Variants in INPP5F observed in about 807,000 individuals in gnomAD.
The protein encoded by INPP5F is phosphatidylinositide 4-phosphatase SAC2.
INPP5F carries 97 observed loss-of-function variants against 137.2 expected under a neutral mutation model. That is an observed-to-expected ratio of 0.71 (90% CI 0.60 to 0.84). INPP5F has a LOEUF of 0.84. Among genes scored for constraint, INPP5F ranks in the 40% least tolerant of loss-of-function variants. INPP5F has a pLI of 0.00. For synonymous variants in INPP5F, 504 were observed against 476.9 expected (o/e 1.06, Z -0.74); for missense variants, 1,271 against 1,371.9 (o/e 0.93, Z 1.16).
chr10:119,733,066 T>C (rs547794219), intron 1 of INPP5F, among the ~76,000 whole-genome samples: 17 of 152,330 alleles, frequency 1.1e-4, no homozygotes, highest in Admixed American at 2.6e-4. Flanking sequence ...TTCTACCTTC[T>C]TGACTACAAA....
At chr10:119,778,611 TCTC>T (rs1849601770) in intron 2 of INPP5F, among the ~76,000 whole-genome samples, 1 of 152,128 alleles carries the variant, frequency 6.6e-6, no homozygotes, top group African/African-American at 2.4e-5. Context: ...TTCCCTCCAT[TCTC>T]CTCATTATAT....
At chr10:119,826,191 G>A (rs1033440338) in intron 19 of INPP5F, among the ~76,000 whole-genome samples, 3 of 152,156 alleles carry the variant, frequency 2.0e-5, no homozygotes, top group African/African-American at 4.8e-5. Flanking sequence ...TGCTAGACCC[G>A]CACTGCTCAC....
At chr10:119,731,483 G>A (rs973618883) in intron 1 of INPP5F, among the ~76,000 whole-genome samples, 12 of 152,124 alleles carry the variant, frequency 7.9e-5, no homozygotes, top group African/African-American at 2.9e-4. Context: ...AGCCAACATG[G>A]TAAAACCCCG....
intron 2 of INPP5F, among the ~76,000 whole-genome samples, chr10:119,779,260 T>G (rs1162917201): frequency 6.6e-6 from 1 of 152,168 alleles, no homozygotes; most frequent in Non-Finnish European, 1.5e-5. Context: ...TTACTATGAA[T>G]GGAACTTGCG....
chr10:119,734,740 G>A (rs1422193763), intron 1 of INPP5F, among the ~76,000 whole-genome samples: 1 of 152,138 alleles, frequency 6.6e-6, no homozygotes, highest in Admixed American at 6.5e-5. Context: ...TACAAGCTGT[G>A]TTACTATGTC....
chr10:119,789,959 G>A (rs1850078345), intron 3 of INPP5F, among the ~76,000 whole-genome samples: 1 of 144,988 alleles, frequency 6.9e-6, no homozygotes, highest in African/African-American at 2.5e-5. Context: ...TGAGAGTTAA[G>A]AACCAAGAGC....
chr10:119,771,845 GATATATATATATATATATATATAT>G (rs374132653), intron 2 of INPP5F, among the ~76,000 whole-genome samples: 1 of 32,792 alleles, frequency 3.0e-5, no homozygotes, highest in Non-Finnish European at 5.3e-5. Context: ...AAAGTATGGA[GATATATATATATATATATATATAT>G]ATATATATAT....
chr10:119,784,692 A>G (rs1033095137), intron 3 of INPP5F, among the ~76,000 whole-genome samples: 2 of 152,272 alleles, frequency 1.3e-5, no homozygotes, highest in African/African-American at 4.8e-5. Context: ...GTTAAAAAAA[A>G]TTCACATACC....
intron 2 of INPP5F, among the ~76,000 whole-genome samples, chr10:119,767,684 T>TTC (rs1349926838): frequency 6.6e-6 from 1 of 152,144 alleles, no homozygotes; most frequent in Non-Finnish European, 1.5e-5. Flanking sequence ...GACAAATGCC[T>TTC]TAGAGATATG....
In INPP5F at chr10:119,828,414, C is replaced by T. The variant is rs867105774; in HGVS notation, c.*634C>T. On this transcript the variant is annotated 3_prime_UTR_variant, in exon 20 of 20. Coordinates refer to ENST00000650623, the MANE Select transcript of INPP5F (RefSeq NM_014937.4). ...CAATGTAAACCTAGGAGCATTAAGA[C>T]TTGTCACACAGTAAACCTGATACAT... 1 of 152,344 alleles carries T rather than the reference C, an allele frequency of 6.6e-6. No homozygotes were observed. The highest frequency in any genetic ancestry group is 2.1e-4 in the South Asian group (1 of 4,832). 9.4% of individuals were successfully genotyped at this position (152,344 alleles called of 1,614,324 possible). A position where few individuals can be genotyped will look rare whatever the true frequency, so the allele number is the denominator to read the frequency against.
chr10:119,741,425 C>G (rs1052947690), intron 1 of INPP5F, among the ~76,000 whole-genome samples: 11 of 152,180 alleles, frequency 7.2e-5, no homozygotes, highest in African/African-American at 2.4e-4. Context: ...GCCAGCAGTA[C>G]CAAACTATTT....
chr10:119,827,608 G>C lies in INPP5F; in HGVS notation c.3227G>C (p.Ser1076Thr). 6 of 1,614,162 alleles carry C rather than the reference G, an allele frequency of 3.7e-6. No individual in the cohort carries two copies. Among genetic ancestry groups the C allele is most frequent in the Non-Finnish European group, 5.1e-6 (6 of 1,180,026 alleles). ...GTCTCTCCCTTTGCCAAGATTCGAA[G>C]TTCCATGGTCCAGGTTGCTAGTATT... is the stretch of plus-strand genomic sequence containing the variant. ...RAVSPFAKIR[S>T]SMVQVASITQ... Residue 1076 changes from serine (S) to threonine (T), a missense_variant, in exon 20 of 20, where the codon AGT becomes ACT. Physicochemically the swap from Ser to Thr is moderately conservative, Grantham distance 58. Coordinates refer to ENST00000650623, the MANE Select transcript of INPP5F (RefSeq NM_014937.4).
intron 7 of INPP5F, among the ~76,000 whole-genome samples, chr10:119,797,140 A>C (rs942043196): frequency 6.6e-6 from 1 of 152,144 alleles, no homozygotes; most frequent in Non-Finnish European, 1.5e-5. Context: ...TATAGAGAGA[A>C]GGGAAAAAGT....
chr10:119,732,227 G>C (rs537952794), intron 1 of INPP5F, among the ~76,000 whole-genome samples: 1 of 151,962 alleles, frequency 6.6e-6, no homozygotes, highest in Non-Finnish European at 1.5e-5. Flanking sequence ...AGTAGAGACA[G>C]GGTTTCGCCA....
chr10:119,771,683 A>T, intron 2 of INPP5F, among the ~76,000 whole-genome samples: 1 of 151,604 alleles, frequency 6.6e-6, no homozygotes, highest in Admixed American at 6.6e-5. Context: ...TAAAGCATGT[A>T]CACAGTTTGA....
In INPP5F at chr10:119,827,247, A is replaced by G. The variant is rs760691669; in HGVS notation, c.2866A>G (p.Met956Val). 2 of 1,614,034 alleles carry G rather than the reference A, an allele frequency of 1.2e-6. No individual in the cohort carries two copies. Among genetic ancestry groups the G allele is most frequent in the Non-Finnish European group, 1.7e-6 (2 of 1,180,020 alleles). Residue 956 changes from methionine (M) to valine (V), a missense_variant, in exon 20 of 20, where the codon ATG becomes GTG. By Grantham distance (21) the Met-to-Val change is conservative (BLOSUM62 1). Transcript: ENST00000650623. ...CATATTGACTGGCTTTGCCAAGCCT[A>G]TGGATATTTACTGCCACAGATTTGT... The part of the protein sequence containing the change: ...VHILTGFAKP[M>V]DIYCHRFVQD...
At chr10:119,743,274 A>G (rs1848430130) in intron 1 of INPP5F, among the ~76,000 whole-genome samples, 1 of 151,924 alleles carries the variant, frequency 6.6e-6, no homozygotes, top group African/African-American at 2.4e-5. Context: ...CCCCCTTTCT[A>G]CATCATATGT....
intron 11 of INPP5F, 141 bp downstream of exon 11, chr10:119,805,602 A>G (rs1850749260): frequency 3.1e-6 from 2 of 646,586 alleles, no homozygotes; most frequent in Non-Finnish European, 5.4e-6. Flanking sequence ...TTTTCAAGAG[A>G]ATGTTGCTGA....
rs140846782 is a variant in INPP5F at position 119,827,406 on chromosome 10, T to C, written c.3025T>C (p.Ser1009Pro). The C allele has an allele frequency of 3.4e-5, 55 of 1,613,982 alleles. 1 individual carries two copies. Among genetic ancestry groups the C allele is most frequent in the African/African-American group, 1.3e-5 (1 of 74,898 alleles). ...TQSESTEQTP[S>P]RPSQLDVSLS... is the part of the protein sequence containing the mutation. ...ATCAGAATCAACAGAACAGACACCT[T>C]CTCGGCCATCGCAATTAGATGTCTC... The change falls in exon 20 of 20, where the codon TCT becomes CCT. Residue 1009 changes from serine to proline, a missense_variant. By Grantham distance (74) the Ser-to-Pro change is moderately conservative. Coordinates refer to ENST00000650623, the MANE Select transcript of INPP5F (RefSeq NM_014937.4).
Sources: gnomAD v4.1 joint callset for allele counts (sites outside exome capture counted in the v4.1 genomes callset) on GRCh38, gnomAD v4.1.1 for gene constraint, MANE v1.5 for transcripts, NCBI Gene and HGNC (gene_info 2026-07-23, HGNC 2026-07-21) for gene names.